PDE8A: variants seen among roughly 807,000 people sequenced by gnomAD.
PDE8A encodes phosphodiesterase 8A, also known as high affinity cAMP-specific and IBMX-insensitive 3',5'-cyclic phosphodiesterase 8A.
Under a neutral mutation model 105.0 loss-of-function variants are expected in PDE8A, and 59 were observed. That is an observed-to-expected ratio of 0.56 (90% CI 0.46 to 0.70). PDE8A has a LOEUF of 0.70. PDE8A is among the 30% of genes least tolerant of loss of function. PDE8A has a pLI of 0.00. For synonymous variants in PDE8A, 355 were observed against 371.9 expected, an observed-to-expected ratio of 0.95 and a Z score of 0.52; for missense variants, 1,014 against 1,045.9, an observed-to-expected ratio of 0.97 and a Z score of 0.42.
intron 11 of PDE8A, among the ~76,000 whole-genome samples, chr15:85,107,095 G>T (rs1342066085): frequency 6.6e-6 from 1 of 152,176 alleles, no homozygotes; most frequent in African/African-American, 2.4e-5. Flanking sequence ...TTGGGGTGGT[G>T]TGGAGAGACT....
At chr15:85,040,149 AAAAG>A (rs1043417729) in intron 1 of PDE8A, among the ~76,000 whole-genome samples, 3 of 152,136 alleles carry the variant, frequency 2.0e-5, no homozygotes, top group Non-Finnish European at 4.4e-5. Flanking sequence ...TTAAAGAAAA[AAAAG>A]AAAAAGAAGC....
At position 84,982,046 on chromosome 15, in the gene PDE8A, C is replaced by A. The variant is rs1016642619; in HGVS notation, c.-117C>A. 2.0e-6 allele frequency: 1 copy of A among 508,898 alleles called. No homozygotes were observed. The highest frequency in any genetic ancestry group is 4.6e-5 in the East Asian group (1 of 21,922). 31.5% of individuals were successfully genotyped at this position (508,898 alleles called of 1,614,324 possible). ...TTCCTGACGCGAGATCCGCGCTCGC[C>A]GCCGCCCGCCCAGGCGGCGATGACA... On this transcript the variant is annotated 5_prime_UTR_variant, in exon 1 of 22. Transcript: ENST00000394553.
chr15:85,118,261 G>A (rs1292850619), intron 17 of PDE8A, among the ~76,000 whole-genome samples: 3 of 152,074 alleles, frequency 2.0e-5, no homozygotes, highest in Non-Finnish European at 4.4e-5. Context: ...CCCACCCAGG[G>A]TTATCTACCT....
chr15:85,007,760 A>G (rs2080172332), intron 1 of PDE8A, among the ~76,000 whole-genome samples: 1 of 152,134 alleles, frequency 6.6e-6, no homozygotes, highest in African/African-American at 2.4e-5. Flanking sequence ...AAATACTCCC[A>G]GAGTGTTGCG....
At chr15:84,990,110 A>G (rs982014396) in intron 1 of PDE8A, among the ~76,000 whole-genome samples, 4 of 152,194 alleles carry the variant, frequency 2.6e-5, no homozygotes, top group Non-Finnish European at 5.9e-5. Context: ...CCATCTACTC[A>G]GGAGCTGAGG....
At chr15:85,047,034 G>A (rs2080898129) in intron 1 of PDE8A, among the ~76,000 whole-genome samples, 1 of 152,108 alleles carries the variant, frequency 6.6e-6, no homozygotes, top group East Asian at 1.9e-4. Context: ...AAAAGATTAA[G>A]AACGTGTATA....
chr15:85,111,629 A>G (rs1404358903), intron 12 of PDE8A, among the ~76,000 whole-genome samples: 1 of 152,224 alleles, frequency 6.6e-6, no homozygotes, highest in Admixed American at 6.5e-5. Flanking sequence ...ACCTGGTAGT[A>G]GGTAGCTGTT....
chr15:85,040,449 T>G (rs8025202), intron 1 of PDE8A, among the ~76,000 whole-genome samples: 6,706 of 151,998 alleles, frequency 0.044, 478 homozygotes, highest in African/African-American at 0.15. Context: ...TATTTCTGAT[T>G]ATGTACACCC....
At chr15:85,122,964 C>T in intron 18 of PDE8A, 97 bp from the exon 19 acceptor site, 1 of 1,239,224 alleles carries the variant, frequency 8.1e-7, no homozygotes, top group South Asian at 1.4e-5. Context: ...TTTATAGCTG[C>T]AGAGGACACA....
intron 1 of PDE8A, among the ~76,000 whole-genome samples, chr15:85,045,431 G>T (rs1369016494): frequency 6.6e-6 from 1 of 152,112 alleles, no homozygotes; most frequent in Non-Finnish European, 1.5e-5. Flanking sequence ...AGACAGAACT[G>T]GGTCCCATTC....
intron 1 of PDE8A, among the ~76,000 whole-genome samples, chr15:85,037,793 A>G (rs1449168779): frequency 6.6e-6 from 1 of 152,226 alleles, no homozygotes. Context: ...TGAATACACT[A>G]TTCATTTAGA....
chr15:85,114,106 A>T, intron 14 of PDE8A, 69 bp downstream of exon 14: 1 of 1,345,364 alleles, frequency 7.4e-7, no homozygotes, highest in South Asian at 1.3e-5. Context: ...GAGGTTATTC[A>T]CTTAAACAGA....
At chr15:85,032,465 T>A (rs2080631358) in intron 1 of PDE8A, among the ~76,000 whole-genome samples, 1 of 152,226 alleles carries the variant, frequency 6.6e-6, no homozygotes, top group Non-Finnish European at 1.5e-5. Flanking sequence ...CTTGGTTACC[T>A]AGTTTTTAAA....
Position 85,113,435 on chromosome 15 carries a change from G to A in PDE8A, c.1173G>A (p.Ala391=), listed in dbSNP as rs542394044. ...MARIHSMTIE[A]PITKVINIIN... ...GGATACATTCCATGACAATTGAGGCGCCCATCACCAAGGTGAAGCAGTTTG... is the reference window on the plus strand; with the variant it reads ...GGATACATTCCATGACAATTGAGGCACCCATCACCAAGGTGAAGCAGTTTG... Residue 391 remains alanine, a synonymous_variant, in exon 13 of 22, where the codon GCG becomes GCA. Transcript: ENST00000394553. 9.3e-6 allele frequency: 15 copies of A among 1,613,792 alleles called. No individual in the cohort carries two copies. Among genetic ancestry groups the A allele is most frequent in the Middle Eastern group, 1.6e-4 (1 of 6,062 alleles).
At chr15:85,120,289 CT>C (rs1402800465) in intron 17 of PDE8A, 5 of 152,078 alleles carry the variant, frequency 3.3e-5, no homozygotes, top group African/African-American at 1.2e-4. Flanking sequence ...TTACATAAAA[CT>C]TTTCAGAGTC....
At chr15:85,046,725 G>A (rs1000529174) in intron 1 of PDE8A, among the ~76,000 whole-genome samples, 2 of 152,028 alleles carry the variant, frequency 1.3e-5, no homozygotes, top group Non-Finnish European at 2.9e-5. Flanking sequence ...GAGGGTAGAG[G>A]GGAGTAGAAA....
At chr15:85,015,319 C>T (rs539401664) in intron 1 of PDE8A, among the ~76,000 whole-genome samples, 209 of 152,082 alleles carry the variant, frequency 1.4e-3, no homozygotes, top group African/African-American at 4.7e-3. Flanking sequence ...CTCGACCTCC[C>T]GGGCTCAGGT....
At chr15:85,047,499 C>T (rs1027182736) in intron 1 of PDE8A, among the ~76,000 whole-genome samples, 1 of 152,132 alleles carries the variant, frequency 6.6e-6, no homozygotes, top group African/African-American at 2.4e-5. Context: ...AGGTTAAATG[C>T]AATCTAGTTA....
chr15:85,118,203 C>T (rs755001212), intron 17 of PDE8A, among the ~76,000 whole-genome samples: 1 of 152,182 alleles, frequency 6.6e-6, no homozygotes, highest in Non-Finnish European at 1.5e-5. Flanking sequence ...ACATGAAAGT[C>T]TGCAGGGCTC....
Sources: gnomAD v4.1 joint callset for allele counts (sites outside exome capture counted in the v4.1 genomes callset) on GRCh38, gnomAD v4.1.1 for gene constraint, MANE v1.5 for transcripts, NCBI Gene and HGNC (gene_info 2026-07-23, HGNC 2026-07-21) for gene names.